Variants in FBXL7 observed in about 807,000 individuals in gnomAD.
FBXL7 encodes the protein F-box and leucine rich repeat protein 7, also known as F-box/LRR-repeat protein 7.
FBXL7 carries 12 observed loss-of-function variants against 38.3 expected under a neutral mutation model. The observed-to-expected ratio is 0.31, with a 90% confidence interval of 0.20 to 0.51. FBXL7 has a LOEUF of 0.51. FBXL7 is among the 20% of genes least tolerant of loss of function. The probability of loss-of-function intolerance (pLI) is 0.98; values close to 1 mark genes in which losing one functional copy is unlikely to be tolerated. For synonymous variants in FBXL7, 297 were observed against 300.9 expected, an observed-to-expected ratio of 0.99 and a Z score of 0.13; for missense variants, 567 against 676.4, an observed-to-expected ratio of 0.84 and a Z score of 1.79.
intron 2 of FBXL7, among the ~76,000 whole-genome samples, chr5:15,922,022 G>A (rs2126447420): frequency 6.6e-6 from 1 of 152,126 alleles, no homozygotes; most frequent in East Asian, 1.9e-4. Flanking sequence ...AAATATATGT[G>A]CATTCCCATG....
Position 15,936,536 on chromosome 5 carries a change from T to C in FBXL7, c.826T>C (p.Tyr276His), listed in dbSNP as rs765737622. The C allele has an allele frequency of 7.4e-6, 12 of 1,613,494 alleles. No individual in the cohort carries two copies. Among genetic ancestry groups the C allele is most frequent in the Non-Finnish European group, 8.5e-7 (1 of 1,179,904 alleles). ...PLHGKQISIR[Y>H]LDMTDCFVLE... is the part of the protein sequence containing the mutation. ...GCATGGCAAACAGATTTCCATCCGC[T>C]ACCTGGACATGACGGACTGCTTCGT... Residue 276 changes from tyrosine (Y) to histidine (H), a missense_variant, in exon 4 of 4, where the codon TAC becomes CAC. By Grantham distance (83) the Tyr-to-His change is moderately conservative. Transcript: ENST00000504595. The surrounding 1 kb of genome is among the most constrained non-coding windows in gnomAD (Gnocchi z 6.0).
intron 2 of FBXL7, among the ~76,000 whole-genome samples, chr5:15,711,056 C>A (rs1001496713): frequency 6.6e-6 from 1 of 152,198 alleles, no homozygotes; most frequent in African/African-American, 2.4e-5. Flanking sequence ...AGTTTTCCTG[C>A]ACAAGCTCTC....
intron 1 of FBXL7, among the ~76,000 whole-genome samples, chr5:15,521,072 C>T (rs942563516): frequency 1.3e-5 from 2 of 152,178 alleles, no homozygotes; most frequent in Non-Finnish European, 2.9e-5. Context: ...CCAGACTTCC[C>T]AGGATTCAAA....
At chr5:15,880,664 T>A (rs1314367146) in intron 2 of FBXL7, among the ~76,000 whole-genome samples, 3 of 149,772 alleles carry the variant, frequency 2.0e-5, no homozygotes, top group Non-Finnish European at 4.4e-5. Flanking sequence ...AACCTGGCCT[T>A]TTAATGCAGA....
intron 2 of FBXL7, among the ~76,000 whole-genome samples, chr5:15,886,623 C>T (rs1160400812): frequency 6.6e-6 from 1 of 152,130 alleles, no homozygotes; most frequent in East Asian, 1.9e-4. Context: ...CTTCCTGAGG[C>T]TGGTTTATGG....
intron 1 of FBXL7, among the ~76,000 whole-genome samples, chr5:15,520,339 G>C (rs1218263371): frequency 1.3e-5 from 2 of 152,160 alleles, no homozygotes; most frequent in East Asian, 3.9e-4. Flanking sequence ...TCAAGATGGA[G>C]TTGCTCTGGT....
chr5:15,731,843 A>G (rs2126663969), intron 2 of FBXL7, among the ~76,000 whole-genome samples: 1 of 152,268 alleles, frequency 6.6e-6, no homozygotes, highest in Middle Eastern at 3.4e-3. Context: ...ATTCCCTCAA[A>G]GCAACTGGCA....
chr5:15,661,598 A>G (rs887523516), intron 2 of FBXL7, among the ~76,000 whole-genome samples: 4 of 152,242 alleles, frequency 2.6e-5, no homozygotes, highest in African/African-American at 9.6e-5. Context: ...AAGGTTTGTT[A>G]CATAGGCAAG....
intron 2 of FBXL7, among the ~76,000 whole-genome samples, chr5:15,921,626 T>C (rs1468147746): frequency 6.6e-6 from 1 of 152,136 alleles, no homozygotes; most frequent in Non-Finnish European, 1.5e-5. Flanking sequence ...GATTTATAAA[T>C]AACTCATGCA....
intron 2 of FBXL7, among the ~76,000 whole-genome samples, chr5:15,690,880 T>C (rs926798959): frequency 6.6e-6 from 1 of 152,170 alleles, no homozygotes; most frequent in Non-Finnish European, 1.5e-5. Flanking sequence ...AGTACTGCTG[T>C]AATTGTAGGA....
intron 1 of FBXL7, among the ~76,000 whole-genome samples, chr5:15,555,923 C>A (rs1372957938): frequency 6.6e-6 from 1 of 151,958 alleles, no homozygotes; most frequent in Non-Finnish European, 1.5e-5. Context: ...TCCAGAGAAA[C>A]AACCAGTAGG....
chr5:15,501,235 G>T (rs896663080), intron 1 of FBXL7, among the ~76,000 whole-genome samples: 6 of 152,148 alleles, frequency 3.9e-5, no homozygotes, highest in African/African-American at 1.4e-4. Flanking sequence ...GCGTGGAATG[G>T]CTGGGGGCTT....
At chr5:15,835,556 G>T (rs1393570761) in intron 2 of FBXL7, among the ~76,000 whole-genome samples, 2 of 152,130 alleles carry the variant, frequency 1.3e-5, no homozygotes, top group Non-Finnish European at 2.9e-5. Flanking sequence ...ATGCTTCTCA[G>T]CTTCACAGTA....
chr5:15,906,154 C>T (rs575917168), intron 2 of FBXL7, among the ~76,000 whole-genome samples: 2 of 151,798 alleles, frequency 1.3e-5, no homozygotes, highest in African/African-American at 4.8e-5. Context: ...TCCTTCCCTC[C>T]TGGTTCCAAA....
At chr5:15,726,308 C>A (rs889908706) in intron 2 of FBXL7, among the ~76,000 whole-genome samples, 5 of 152,196 alleles carry the variant, frequency 3.3e-5, no homozygotes, top group Admixed American at 2.0e-4. Flanking sequence ...GTCCCAGCTA[C>A]TCAAGAGGCT....
At chr5:15,736,669 C>T (rs1050437039) in intron 2 of FBXL7, among the ~76,000 whole-genome samples, 1 of 152,168 alleles carries the variant, frequency 6.6e-6, no homozygotes, top group African/African-American at 2.4e-5. Context: ...TCTAGGAAAA[C>T]AATTCTACCA....
intron 2 of FBXL7, among the ~76,000 whole-genome samples, chr5:15,902,467 C>G (rs916075291): frequency 3.3e-5 from 5 of 152,190 alleles, no homozygotes. Context: ...AAGAAGAACT[C>G]AGAGGCTTTG....
chr5:15,793,878 A>G (rs561098131), intron 2 of FBXL7, among the ~76,000 whole-genome samples: 33 of 152,352 alleles, frequency 2.2e-4, no homozygotes, highest in African/African-American at 7.9e-4. Flanking sequence ...CAGCAACAAC[A>G]CAACTACAGC....
At chr5:15,780,773 A>G (rs1404488253) in intron 2 of FBXL7, among the ~76,000 whole-genome samples, 1 of 152,188 alleles carries the variant, frequency 6.6e-6, no homozygotes, top group Non-Finnish European at 1.5e-5. Flanking sequence ...AGAATTAAGT[A>G]CAGAAATGTG....
Sources: allele counts gnomAD v4.1 joint callset (sites outside exome capture counted in the v4.1 genomes callset), GRCh38; gene constraint gnomAD v4.1.1; non-coding constraint Gnocchi (gnomAD v3.1); transcripts MANE v1.5; gene names NCBI Gene and HGNC (gene_info 2026-07-23, HGNC 2026-07-21).